The following LRP2 variants were observed in gnomAD, a reference collection of about 807,000 sequenced individuals.
LRP2 encodes LDL receptor related protein 2.
In LRP2, 172 loss-of-function variants were observed where a neutral mutation model predicts 531.0. The ratio of observed to expected loss-of-function variants is 0.32; its 90% CI spans 0.29 to 0.37. The LOEUF is 0.37. LRP2 is among the 10% of genes least tolerant of loss of function. The pLI, the probability that LRP2 is intolerant of heterozygous loss-of-function variation, is 1.00. For missense variants in LRP2, 5,167 were observed against 5,868.3 expected (o/e 0.88, Z 3.90); for synonymous variants, 1,992 against 2,027.6 (o/e 0.98, Z 0.47).
At chr2:169,293,986 C>G (rs191826990) in intron 6 of LRP2, among the ~76,000 whole-genome samples, 162 bp downstream of exon 6, 1 of 152,200 alleles carries the variant, frequency 6.6e-6, no homozygotes, top group Admixed American at 6.5e-5. Context: ...TGTGCCAAGA[C>G]CCCCTAGTGA....
rs547538656 is a variant in LRP2, at chr2:169,279,389, G to A, written c.1548C>T (p.Ala516=). ...TCACTTACCCAACAGTTGGGTCCAC[G>A]GCAATTCCTCTAGGATGCCCCAAGT... The part of the protein sequence containing the change: ...TENLGHPRGI[A]VDPTVGYLFF... The change falls in exon 12 of 79, where the codon GCC becomes GCT. Residue 516 remains alanine, a synonymous_variant. Transcript: ENST00000649046. 1.1e-5 allele frequency: 17 copies of A among 1,613,596 alleles called. No homozygotes were observed. The highest frequency in any genetic ancestry group is 6.7e-5 in the Admixed American group (4 of 60,024).
intron 3 of LRP2, among the ~76,000 whole-genome samples, chr2:169,313,052 A>G (rs540502201): frequency 6.6e-6 from 1 of 152,284 alleles, no homozygotes; most frequent in South Asian, 2.1e-4. Context: ...TTTCAGCTCC[A>G]TCAGGTCATT....
At position 169,263,307 on chromosome 2, in the gene LRP2, C is replaced by T. The variant is rs141755776; in HGVS notation, c.2321-4090G>A. Among the ~76,000 whole-genome samples, 1,791 of 152,220 alleles carry T rather than the reference C, an allele frequency of 0.012. 165 individuals carry two copies. The East Asian group carries it at 0.26, about 22-fold the overall frequency. On this transcript the variant is annotated intron_variant, in intron 16 of 78. Coordinates refer to ENST00000649046, the MANE Select transcript of LRP2 (RefSeq NM_004525.3). ...AGAAACTACCATCACAGTGAACAGG[C>T]AACCCACAAAATGGGAGAAAATATT...
At chr2:169,182,448 A>T in intron 50 of LRP2, 129 bp from the exon 51 acceptor site, 1 of 1,569,258 alleles carries the variant, frequency 6.4e-7, no homozygotes, top group Non-Finnish European at 8.6e-7. Flanking sequence ...TTCTTCAGGC[A>T]AATGAGGGCA....
At chr2:169,322,983 G>A (rs992433757) in intron 1 of LRP2, among the ~76,000 whole-genome samples, 19 of 151,950 alleles carry the variant, frequency 1.3e-4, no homozygotes, top group African/African-American at 4.6e-4. Context: ...TGGGGTGGGG[G>A]GATTTGTTTG....
chr2:169,272,831 C>A, intron 15 of LRP2, 96 bp downstream of exon 15: 1 of 1,517,608 alleles, frequency 6.6e-7, no homozygotes, highest in South Asian at 1.1e-5. Context: ...AGACAGGGAG[C>A]TGGTCCAGTT....
intron 1 of LRP2, among the ~76,000 whole-genome samples, chr2:169,351,348 C>T (rs1685841903): frequency 2.0e-5 from 3 of 151,842 alleles, no homozygotes; most frequent in Admixed American, 6.6e-5. Context: ...TAAAGTGGAA[C>T]CGAAAAAATA....
At chr2:169,331,994 T>C (rs184809749) in intron 1 of LRP2, among the ~76,000 whole-genome samples, 27 of 152,360 alleles carry the variant, frequency 1.8e-4, no homozygotes, top group Admixed American at 5.2e-4. Flanking sequence ...CTAGCATTGA[T>C]AGACAGCATC....
Position 169,201,721 on chromosome 2 carries a change from T to G in LRP2, c.8359A>C (p.Met2787Leu), listed in dbSNP as rs1249128749. The G allele has an allele frequency of 6.2e-7, 1 of 1,614,172 alleles. No homozygotes were observed. The highest frequency in any genetic ancestry group is 8.5e-7 in the Non-Finnish European group (1 of 1,180,032). The change falls in exon 44 of 79, where the codon ATG becomes CTG. Residue 2787 changes from methionine to leucine, a missense_variant. Met to Leu is a conservative substitution (Grantham distance 15, BLOSUM62 2). Transcript: ENST00000649046. ...GGTATGCACCTTCTGTTATTGCACATAAACTCCGTGGTGGCATTGCAGTCC... is the reference window on the plus strand; with the variant it reads ...GGTATGCACCTTCTGTTATTGCACAGAAACTCCGTGGTGGCATTGCAGTCC... The part of the protein sequence containing the change: ...FRDCNATTEF[M>L]CNNRRCIPRE...
intron 34 of LRP2, 117 bp from the exon 35 acceptor site, chr2:169,216,547 C>A: frequency 1.0e-6 from 1 of 978,502 alleles, no homozygotes; most frequent in Non-Finnish European, 1.6e-6. Context: ...TGGGCAAAGG[C>A]TGAAAATCAA....
rs1216547705 is a variant in LRP2 at position 169,170,570 on chromosome 2, G to A, written c.11361C>T (p.Asn3787=). The A allele has an allele frequency of 1.9e-6, 3 of 1,613,840 alleles. No individual in the cohort carries two copies. Among genetic ancestry groups the A allele is most frequent in the Non-Finnish European group, 2.5e-6 (3 of 1,179,844 alleles). Residue 3787 remains asparagine (N), a synonymous_variant, in exon 59 of 79, where the codon AAC becomes AAT. Transcript: ENST00000649046. ...AGTTACCACAGTCCCGTTCATCTGA[G>A]TTGTCCCCACAGTCGTTGTAATGGT... The part of the protein sequence containing the change: ...ICDHYNDCGD[N]SDERDCEMRT...
intron 13 of LRP2, among the ~76,000 whole-genome samples, chr2:169,277,023 T>C (rs1395086165): frequency 6.6e-6 from 1 of 151,868 alleles, no homozygotes; most frequent in East Asian, 1.9e-4. Flanking sequence ...GGTGAAATTT[T>C]ATCTCTACTA....
chr2:169,307,189 T>C (rs1684442869), intron 4 of LRP2, 92 bp downstream of exon 4: 2 of 873,206 alleles, frequency 2.3e-6, no homozygotes, highest in Admixed American at 3.4e-5. Context: ...ATTGTAGGCA[T>C]TTATGTCCAT....
chr2:169,208,364 C>T (rs890805666), intron 38 of LRP2, among the ~76,000 whole-genome samples: 1 of 152,164 alleles, frequency 6.6e-6, no homozygotes. Context: ...CCAATTAAAG[C>T]TTTATTTAAC....
At chr2:169,149,708 G>A (rs978167782) in intron 68 of LRP2, among the ~76,000 whole-genome samples, 2 of 151,954 alleles carry the variant, frequency 1.3e-5, no homozygotes, top group African/African-American at 4.8e-5. Context: ...GTGGTGGTGG[G>A]TGCCTATAAT....
At chr2:169,300,435 T>A (rs1234506859) in intron 4 of LRP2, among the ~76,000 whole-genome samples, 1 of 151,584 alleles carries the variant, frequency 6.6e-6, no homozygotes, top group Non-Finnish European at 1.5e-5. Flanking sequence ...CAGTGGGTTC[T>A]AAAAAAAGGA....
intron 9 of LRP2, among the ~76,000 whole-genome samples, chr2:169,285,662 C>T (rs193214492): frequency 2.1e-4 from 32 of 152,240 alleles, no homozygotes; most frequent in South Asian, 6.2e-4. Context: ...TGTGAAACCC[C>T]ACCATGCTGA....
chr2:169,141,403 T>C (rs538227973), intron 71 of LRP2, among the ~76,000 whole-genome samples: 1 of 152,346 alleles, frequency 6.6e-6, no homozygotes, highest in South Asian at 2.1e-4. Context: ...CCTCTTAGAA[T>C]GTAAACTCAA....
rs200733768 is a variant in LRP2 at position 169,315,960 on chromosome 2, A to C, written c.310+2802T>G. The stretch of plus-strand genomic sequence containing the variant: ...CAACATGGGAAAACCCCATCTCTAC[A>C]AAAAAAAAAAAAAAAAAAAAAAATA... On this transcript the variant is annotated intron_variant, in intron 3 of 78. Coordinates refer to ENST00000649046, the MANE Select transcript of LRP2 (RefSeq NM_004525.3). Among the ~76,000 whole-genome samples the C allele has an allele frequency of 2.9e-3, 134 of 46,388 alleles. 1 individual carries two copies. Among genetic ancestry groups the C allele is most frequent in the African/African-American group, 0.013 (74 of 5,792 alleles). 30.4% of individuals were successfully genotyped at this position (46,388 alleles called of 152,430 possible).
Sources: allele counts gnomAD v4.1 joint callset (sites outside exome capture counted in the v4.1 genomes callset), GRCh38; gene constraint gnomAD v4.1.1; transcripts MANE v1.5; gene names NCBI Gene and HGNC (gene_info 2026-07-23, HGNC 2026-07-21).